The following GRM7 variants were observed in gnomAD, a reference collection of about 807,000 sequenced individuals.
GRM7 encodes the protein glutamate metabotropic receptor 7, also known as metabotropic glutamate receptor 7.
Under a neutral mutation model 84.5 loss-of-function variants are expected in GRM7, and 35 were observed. The observed-to-expected ratio is 0.41, with a 90% CI of 0.32 to 0.55. GRM7 has a LOEUF of 0.55. Among genes scored for constraint, GRM7 ranks in the 20% least tolerant of loss-of-function variants. GRM7 has a pLI of 0.19. For synonymous variants in GRM7, 487 were observed against 455.1 expected, an observed-to-expected ratio of 1.07 and a Z score of -0.89; for missense variants, 1,003 against 1,194.6, an observed-to-expected ratio of 0.84 and a Z score of 2.36.
intron 1 of GRM7, among the ~76,000 whole-genome samples, chr3:7,032,889 C>T (rs552090152): frequency 6.6e-6 from 1 of 152,248 alleles, no homozygotes; most frequent in East Asian, 1.9e-4. Flanking sequence ...ACTCCAAGAG[C>T]CTTTCTAATG....
At chr3:6,894,460 T>A (rs1208282080) in intron 1 of GRM7, among the ~76,000 whole-genome samples, 1 of 152,176 alleles carries the variant, frequency 6.6e-6, no homozygotes, top group African/African-American at 2.4e-5. Flanking sequence ...TGTCATCTAT[T>A]GTTTCTATCC....
At chr3:6,936,757 C>A (rs544122201) in intron 1 of GRM7, among the ~76,000 whole-genome samples, 1 of 152,268 alleles carries the variant, frequency 6.6e-6, no homozygotes, top group South Asian at 2.1e-4. Context: ...ATTTTAATGG[C>A]AGCCTAGTAA....
At chr3:7,012,262 C>A (rs1194194272) in intron 1 of GRM7, among the ~76,000 whole-genome samples, 1 of 152,170 alleles carries the variant, frequency 6.6e-6, no homozygotes, top group Non-Finnish European at 1.5e-5. Context: ...CTGAAGGAAA[C>A]AATCTTGGCT....
chr3:7,442,604 G>A (rs1052564951), intron 5 of GRM7, among the ~76,000 whole-genome samples: 1 of 152,000 alleles, frequency 6.6e-6, no homozygotes, highest in African/African-American at 2.4e-5. Context: ...GAGGTGAAGG[G>A]GCATGGTAGC....
chr3:7,133,994 C>T (rs1693688631), intron 1 of GRM7, among the ~76,000 whole-genome samples: 3 of 152,168 alleles, frequency 2.0e-5, no homozygotes, highest in East Asian at 3.9e-4. Flanking sequence ...CAGAAAGCCT[C>T]GTTACATACT....
chr3:7,489,703 G>A (rs1454788796), intron 7 of GRM7, among the ~76,000 whole-genome samples: 3 of 152,064 alleles, frequency 2.0e-5, no homozygotes, highest in Non-Finnish European at 2.9e-5. Context: ...ATTATACATT[G>A]ATTAATTTAT....
chr3:7,544,424 G>T (rs933879808), intron 7 of GRM7, among the ~76,000 whole-genome samples: 3 of 152,100 alleles, frequency 2.0e-5, no homozygotes, highest in Admixed American at 2.0e-4. Flanking sequence ...GCAAAGCACC[G>T]GGATTATAAA....
intron 7 of GRM7, among the ~76,000 whole-genome samples, chr3:7,492,864 A>G (rs746662038): frequency 6.6e-6 from 1 of 152,064 alleles, no homozygotes; most frequent in African/African-American, 2.4e-5. Flanking sequence ...TGCATCCCAC[A>G]AATTTTGATA....
chr3:7,282,506 T>G (rs2124997941), intron 2 of GRM7, among the ~76,000 whole-genome samples: 1 of 152,310 alleles, frequency 6.6e-6, no homozygotes, highest in Admixed American at 6.5e-5. Context: ...CATCACTAGA[T>G]CATCCAGAAT....
intron 1 of GRM7, among the ~76,000 whole-genome samples, chr3:6,882,461 G>T (rs1015911980): frequency 6.6e-6 from 1 of 152,110 alleles, no homozygotes; most frequent in Non-Finnish European, 1.5e-5. Context: ...CTGCATGTTT[G>T]CTTGAGCCCA....
chr3:6,883,323 T>C (rs536999625), intron 1 of GRM7, among the ~76,000 whole-genome samples: 14 of 152,234 alleles, frequency 9.2e-5, no homozygotes, highest in Middle Eastern at 3.4e-3. Context: ...TCTTTTTTAA[T>C]TTATAAATTA....
intron 8 of GRM7, among the ~76,000 whole-genome samples, chr3:7,634,333 A>C (rs1348029072): frequency 6.6e-6 from 1 of 152,124 alleles, no homozygotes; most frequent in Non-Finnish European, 1.5e-5. Context: ...TTCTAACTCA[A>C]TTAGGAGCCT....
At chr3:7,532,043 G>A (rs770989914) in intron 7 of GRM7, among the ~76,000 whole-genome samples, 7 of 151,996 alleles carry the variant, frequency 4.6e-5, no homozygotes, top group African/African-American at 9.7e-5. Flanking sequence ...GAGGATTTTC[G>A]CATAGATGTT....
At chr3:6,975,361 A>G (rs1693949315) in intron 1 of GRM7, among the ~76,000 whole-genome samples, 1 of 152,186 alleles carries the variant, frequency 6.6e-6, no homozygotes, top group Non-Finnish European at 1.5e-5. Flanking sequence ...GGCTCTGTCT[A>G]ATAAGAAAGT....
intron 2 of GRM7, among the ~76,000 whole-genome samples, chr3:7,237,507 T>A (rs151288900): frequency 0.013 from 1,914 of 152,176 alleles, 45 homozygotes; most frequent in African/African-American, 0.044. Flanking sequence ...GTGGTGAGTG[T>A]TACAGTTCTT....
At chr3:7,032,316 T>A (rs1321508130) in intron 1 of GRM7, among the ~76,000 whole-genome samples, 1 of 152,232 alleles carries the variant, frequency 6.6e-6, no homozygotes, top group Non-Finnish European at 1.5e-5. Context: ...CTGACATTTA[T>A]CCTGTGAGTT....
chr3:7,476,262 T>C (rs943584456), intron 7 of GRM7, among the ~76,000 whole-genome samples: 1 of 152,132 alleles, frequency 6.6e-6, no homozygotes, highest in Non-Finnish European at 1.5e-5. Flanking sequence ...GAAAAGTGAC[T>C]AGGGGCTGGG....
Position 7,297,458 on chromosome 3 carries a change from T to C in GRM7, c.737-1226T>C, listed in dbSNP as rs528658494. ...TGCTTGAAAAGAATAAATGCATTTC[T>C]GTTGTGTGGGTTGTCAATTAGGTCA... On this transcript the variant is annotated intron_variant, in intron 2 of 9. Coordinates refer to ENST00000357716, the MANE Select transcript of GRM7 (RefSeq NM_000844.4). Among the ~76,000 whole-genome samples, 6 of 152,334 alleles carry C rather than the reference T, an allele frequency of 3.9e-5. No individual in the cohort carries two copies. The East Asian group carries it at 1.2e-3, about 29-fold the overall frequency.
intron 8 of GRM7, among the ~76,000 whole-genome samples, chr3:7,589,923 T>C (rs950678966): frequency 8.6e-5 from 13 of 151,600 alleles, no homozygotes; most frequent in Admixed American, 5.9e-4. Context: ...TAACCAACAG[T>C]GATTTTTTTG....
Sources: allele counts gnomAD v4.1 joint callset (sites outside exome capture counted in the v4.1 genomes callset), GRCh38; gene constraint gnomAD v4.1.1; transcripts MANE v1.5; gene names NCBI Gene and HGNC (gene_info 2026-07-23, HGNC 2026-07-21).